SPMIP2: variants seen among roughly 807,000 people sequenced by gnomAD.
SPMIP2 encodes protein SPMIP2.
At chr4:158,931,691 T>C in the SPMIP2 span, among the ~76,000 whole-genome samples, 2 of 151,980 alleles carry the variant, frequency 1.3e-5, no homozygotes, top group South Asian at 2.1e-4. Context: ...GTCTCCCAAG[T>C]AGCTGAGACT....
chr4:158,927,235 A>AAATT, the SPMIP2 span, among the ~76,000 whole-genome samples: 1 of 152,168 alleles, frequency 6.6e-6, no homozygotes, highest in Non-Finnish European at 1.5e-5. Flanking sequence ...GAGACTCTTA[A>AAATT]AAATGCTCTT....
At chr4:159,042,473 A>T in the SPMIP2 span, among the ~76,000 whole-genome samples, 1 of 152,196 alleles carries the variant, frequency 6.6e-6, no homozygotes, top group Non-Finnish European at 1.5e-5. Context: ...GTGTATTGCC[A>T]TTCTGACTTG....
At chr4:159,011,064 C>T in the SPMIP2 span, among the ~76,000 whole-genome samples, 52,694 of 151,842 alleles carry the variant, frequency 0.35, 9,582 homozygotes, top group East Asian at 0.58. Flanking sequence ...AGAGCTGATT[C>T]CTGTTCCCCT....
the SPMIP2 span, among the ~76,000 whole-genome samples, chr4:158,991,057 C>T: frequency 6.6e-6 from 1 of 152,118 alleles, no homozygotes; most frequent in Non-Finnish European, 1.5e-5. Flanking sequence ...GGACTACAGG[C>T]ACATGCCACC....
the SPMIP2 span, among the ~76,000 whole-genome samples, chr4:158,993,370 A>G: frequency 1.3e-5 from 2 of 152,028 alleles, no homozygotes; most frequent in African/African-American, 4.8e-5. Context: ...CTGTCTCTAA[A>G]AAAAAGAAGA....
the SPMIP2 span, among the ~76,000 whole-genome samples, chr4:159,012,735 C>G: frequency 2.6e-5 from 4 of 151,944 alleles, no homozygotes; most frequent in African/African-American, 9.7e-5. Flanking sequence ...CCATGCCCAG[C>G]TAAATTTTTT....
At chr4:159,017,356 T>TGCAC in the SPMIP2 span, among the ~76,000 whole-genome samples, 1 of 149,414 alleles carries the variant, frequency 6.7e-6, no homozygotes, top group East Asian at 2.0e-4. Context: ...CACAAACACA[T>TGCAC]ACACACACAC....
the SPMIP2 span, among the ~76,000 whole-genome samples, chr4:158,976,234 G>A: frequency 6.6e-6 from 1 of 152,174 alleles, no homozygotes; most frequent in Non-Finnish European, 1.5e-5. Flanking sequence ...CATCTGCAAA[G>A]AGAGATAATT....
At chr4:159,022,128 T>G in the SPMIP2 span, among the ~76,000 whole-genome samples, 1 of 152,190 alleles carries the variant, frequency 6.6e-6, no homozygotes, top group East Asian at 1.9e-4. Flanking sequence ...TGGAAATCCC[T>G]AAAAGAAAGA....
chr4:158,915,507 T>A, the SPMIP2 span: 1 of 705,772 alleles, frequency 1.4e-6, no homozygotes, highest in Middle Eastern at 2.6e-4. Context: ...TGACCCATCC[T>A]GGGAAGTTTC....
the SPMIP2 span, among the ~76,000 whole-genome samples, chr4:159,024,490 G>C: frequency 6.6e-6 from 1 of 152,210 alleles, no homozygotes; most frequent in East Asian, 1.9e-4. Context: ...CCTTGCTGGC[G>C]TTCAACTTGT....
chr4:158,894,143 A>G, the SPMIP2 span, among the ~76,000 whole-genome samples: 2 of 151,642 alleles, frequency 1.3e-5, no homozygotes, highest in Non-Finnish European at 2.9e-5. Context: ...GTTCAATGGA[A>G]TAATCAAGTC....
the SPMIP2 span, among the ~76,000 whole-genome samples, chr4:159,040,729 G>A: frequency 6.6e-6 from 1 of 152,154 alleles, no homozygotes. Flanking sequence ...GCCTCCCAAA[G>A]TTGTGAGCCA....
the SPMIP2 span, among the ~76,000 whole-genome samples, chr4:158,928,891 C>A: frequency 4.6e-5 from 7 of 152,060 alleles, no homozygotes; most frequent in Non-Finnish European, 8.8e-5. Context: ...TGCAGCTTCA[C>A]TCCTGAGCCA....
At chr4:158,996,112 C>G in the SPMIP2 span, among the ~76,000 whole-genome samples, 2 of 152,100 alleles carry the variant, frequency 1.3e-5, no homozygotes, top group African/African-American at 2.4e-5. Flanking sequence ...CAAGCAAATG[C>G]ATAGTAATAT....
chr4:158,971,534 T>G, the SPMIP2 span, among the ~76,000 whole-genome samples: 7 of 152,188 alleles, frequency 4.6e-5, no homozygotes, highest in African/African-American at 1.7e-4. Context: ...TCATACTAAA[T>G]TTAATGAGTT....
At chr4:159,041,429 T>C in the SPMIP2 span, among the ~76,000 whole-genome samples, 3 of 152,232 alleles carry the variant, frequency 2.0e-5, no homozygotes, top group Admixed American at 2.0e-4. Flanking sequence ...ATCTTATAAA[T>C]GCATGAGTTG....
the SPMIP2 span, among the ~76,000 whole-genome samples, chr4:158,940,257 G>C: frequency 3.3e-5 from 5 of 152,062 alleles, no homozygotes; most frequent in Admixed American, 2.6e-4. Context: ...AATTAGGAGG[G>C]ATTAGGGCCC....
chr4:159,023,917 A>C, the SPMIP2 span, among the ~76,000 whole-genome samples: 1 of 152,106 alleles, frequency 6.6e-6, no homozygotes, highest in Admixed American at 6.6e-5. Flanking sequence ...CCTCTCCTCC[A>C]CGAGGTTTCC....
Sources: allele counts gnomAD v4.1 joint callset (sites outside exome capture counted in the v4.1 genomes callset), GRCh38; gene constraint gnomAD v4.1.1; transcripts MANE v1.5; gene names NCBI Gene and HGNC (gene_info 2026-07-23, HGNC 2026-07-21).